CCDC3: variants seen among roughly 807,000 people sequenced by gnomAD.
CCDC3 encodes coiled-coil domain containing 3.
CCDC3 carries 24 observed loss-of-function variants against 21.4 expected under a neutral mutation model. The ratio of observed to expected loss-of-function variants is 1.12; its 90% CI spans 0.81 to 1.58. CCDC3 has a LOEUF of 1.58. CCDC3 is among the 40% of genes most tolerant of loss of function. The pLI, the probability that CCDC3 is intolerant of heterozygous loss-of-function variation, is 0.00. For missense variants in CCDC3, 425 were observed against 360.9 expected (o/e 1.18, Z -1.44); for synonymous variants, 186 against 166.0 (o/e 1.12, Z -0.93).
intron 2 of CCDC3, among the ~76,000 whole-genome samples, chr10:12,978,287 G>GA (rs1345154437): frequency 6.6e-6 from 1 of 152,154 alleles, no homozygotes; most frequent in African/African-American, 2.4e-5. Flanking sequence ...CCAAAGTGCT[G>GA]GGACTACAGG....
At chr10:12,934,288 C>G (rs1251007) in intron 2 of CCDC3, among the ~76,000 whole-genome samples, 4 of 152,134 alleles carry the variant, frequency 2.6e-5, no homozygotes, top group Non-Finnish European at 2.9e-5. Context: ...CCATTGTCGT[C>G]TTTCCATTGT....
intron 2 of CCDC3, among the ~76,000 whole-genome samples, chr10:12,922,104 T>G (rs1486214187): frequency 6.6e-6 from 1 of 152,060 alleles, no homozygotes. Context: ...TACCACCATG[T>G]ACAGTCCAGG....
intron 4 of CCDC3, among the ~76,000 whole-genome samples, chr10:13,053,176 G>A (rs536478870): frequency 2.6e-5 from 4 of 152,274 alleles, no homozygotes; most frequent in African/African-American, 7.2e-5. Flanking sequence ...CAACTAAAAA[G>A]ACTGAAGGTA....
intron 3 of CCDC3, among the ~76,000 whole-genome samples, chr10:13,077,484 T>C (rs1836981284): frequency 6.6e-6 from 1 of 152,196 alleles, no homozygotes; most frequent in South Asian, 2.1e-4. Context: ...ACCAATGACT[T>C]TCTTCACAGA....
intron 2 of CCDC3, among the ~76,000 whole-genome samples, chr10:12,953,408 G>A (rs1835038541): frequency 6.6e-6 from 1 of 152,158 alleles, no homozygotes. Flanking sequence ...ACTAGCTCAT[G>A]TCTTTATATC....
intron 2 of CCDC3, among the ~76,000 whole-genome samples, chr10:12,906,503 G>C (rs1323158566): frequency 6.6e-6 from 1 of 152,166 alleles, no homozygotes; most frequent in Non-Finnish European, 1.5e-5. Context: ...GCTGCCGGGG[G>C]AGGAGGTAGC....
At chr10:12,936,172 TCA>T (rs1268345289) in intron 2 of CCDC3, among the ~76,000 whole-genome samples, 1 of 152,212 alleles carries the variant, frequency 6.6e-6, no homozygotes, top group African/African-American at 2.4e-5. Flanking sequence ...GACGGTAATC[TCA>T]GTTTTTGTTT....
chr10:12,923,481 C>T (rs1011661524), intron 2 of CCDC3, among the ~76,000 whole-genome samples: 1 of 152,156 alleles, frequency 6.6e-6, no homozygotes, highest in African/African-American at 2.4e-5. Context: ...TGTGATGCTA[C>T]CTTCACAAAG....
At chr10:12,993,629 A>G (rs1835711819) in intron 2 of CCDC3, among the ~76,000 whole-genome samples, 1 of 152,186 alleles carries the variant, frequency 6.6e-6, no homozygotes, top group South Asian at 2.1e-4. Flanking sequence ...GGAAGGAAAA[A>G]TGTCCTTGGC....
intron 2 of CCDC3, among the ~76,000 whole-genome samples, chr10:12,974,429 T>G (rs559026037): frequency 4.3e-4 from 65 of 152,310 alleles, no homozygotes; most frequent in African/African-American, 1.4e-3. Context: ...ACAGTTGTTA[T>G]CTCCAGGAGC....
At chr10:13,077,328 A>T (rs1168362013) in intron 3 of CCDC3, among the ~76,000 whole-genome samples, 2 of 152,198 alleles carry the variant, frequency 1.3e-5, no homozygotes, top group Non-Finnish European at 2.9e-5. Context: ...CTTCAAGGAG[A>T]ACTACAAACC....
chr10:13,001,869 C>A (rs1589037007), upstream of CCDC3, among the ~76,000 whole-genome samples: 1 of 151,288 alleles, frequency 6.6e-6, no homozygotes, highest in East Asian at 2.0e-4. Flanking sequence ...ACCAGGGACT[C>A]GGAGAACGCG....
intron 2 of CCDC3, among the ~76,000 whole-genome samples, chr10:12,906,532 A>G (rs1834175487): frequency 6.6e-6 from 1 of 152,022 alleles, no homozygotes; most frequent in African/African-American, 2.4e-5. Flanking sequence ...GTGGGTAGGA[A>G]GGGGTTTTGG....
intron 5 of CCDC3, among the ~76,000 whole-genome samples, chr10:13,033,108 A>ACTGGT (rs1836327145): frequency 6.6e-6 from 1 of 152,238 alleles, no homozygotes; most frequent in South Asian, 2.1e-4. Flanking sequence ...AGGCTACAGT[A>ACTGGT]ACCAAAATAG....
At chr10:13,010,303 A>G (rs1479806212) in intron 5 of CCDC3, among the ~76,000 whole-genome samples, 1 of 152,120 alleles carries the variant, frequency 6.6e-6, no homozygotes, top group Non-Finnish European at 1.5e-5. Context: ...AACCCAATAT[A>G]AAAAATGGGC....
intron 5 of CCDC3, among the ~76,000 whole-genome samples, chr10:13,016,457 A>G (rs918131912): frequency 9.9e-5 from 15 of 152,114 alleles, no homozygotes; most frequent in Middle Eastern, 3.4e-3. Flanking sequence ...CTATGATATC[A>G]TATTTCCTAC....
At chr10:13,092,657 G>A (rs923389667) in intron 3 of CCDC3, among the ~76,000 whole-genome samples, 1 of 152,216 alleles carries the variant, frequency 6.6e-6, no homozygotes, top group Non-Finnish European at 1.5e-5. Context: ...AAAAGGAATG[G>A]ATGAGGTCAG....
intron 5 of CCDC3, among the ~76,000 whole-genome samples, chr10:13,028,482 A>T (rs920729659): frequency 6.6e-6 from 1 of 152,182 alleles, no homozygotes; most frequent in Admixed American, 6.5e-5. Context: ...AGTGAACCAG[A>T]CCACCCAGAC....
At chr10:12,939,963 G>A (rs1050461432) in intron 2 of CCDC3, among the ~76,000 whole-genome samples, 2 of 152,150 alleles carry the variant, frequency 1.3e-5, no homozygotes, top group Non-Finnish European at 2.9e-5. Context: ...AAGGTCGGAG[G>A]CCTTTAAAAA....
Sources: gnomAD v4.1 joint callset for allele counts (sites outside exome capture counted in the v4.1 genomes callset) on GRCh38, gnomAD v4.1.1 for gene constraint, MANE v1.5 for transcripts, NCBI Gene and HGNC (gene_info 2026-07-23, HGNC 2026-07-21) for gene names.